The following UNC13B variants were observed in gnomAD, a reference collection of about 807,000 sequenced individuals.
UNC13B encodes the protein protein unc-13 homolog B.
UNC13B carries 144 observed loss-of-function variants against 211.0 expected under a neutral mutation model. That is an observed-to-expected ratio of 0.68 (90% CI 0.60 to 0.78). The LOEUF is 0.78. Ranked by LOEUF, UNC13B falls within the 30% of genes least tolerant of loss-of-function variation. The probability of loss-of-function intolerance (pLI) is 0.00; values close to 1 mark genes in which losing one functional copy is unlikely to be tolerated. For synonymous variants in UNC13B, 709 were observed against 725.8 expected (o/e 0.98, Z 0.37); for missense variants, 1,777 against 2,002.0 (o/e 0.89, Z 2.14).
In UNC13B at chr9:35,353,849, A is replaced by G. The variant is rs1030167391; in HGVS notation, c.9415-13098A>G. 1.1e-5 allele frequency: 13 copies of G among 1,204,802 alleles called. No homozygotes were observed. In the African/African-American group the frequency reaches 1.3e-4, roughly 12 times the overall value. The allele number at this position is 1,204,802 out of a possible 1,614,324, so 74.6% of individuals were successfully genotyped here. A position where few individuals can be genotyped will look rare whatever the true frequency, so the allele number is the denominator to read the frequency against. On this transcript the variant is annotated intron_variant, in intron 11 of 39. Transcript: ENST00000635942. ...CTATTTAACAGGGTCCCAGCTGGCT[A>G]AAGTATGACCTCCATCTGGCCAGCA...
At chr9:35,354,880 C>G (rs1037465015) in intron 11 of UNC13B, among the ~76,000 whole-genome samples, 1 of 152,106 alleles carries the variant, frequency 6.6e-6, no homozygotes, top group East Asian at 1.9e-4. Context: ...CCTTTAAGTC[C>G]TCAACACCAC....
chr9:35,384,112 G>T, intron 21 of UNC13B, 134 bp from the exon 22 acceptor site: 2 of 1,371,734 alleles, frequency 1.5e-6, no homozygotes, highest in Non-Finnish European at 2.0e-6. Context: ...CTTCCCATGG[G>T]CAGGGATGTG....
At position 35,295,819 on chromosome 9, in the gene UNC13B, C is replaced by A; in HGVS notation, c.650C>A (p.Pro217His). ...SQPNASVHQF[P>H]VPVRSPQQLL... ...CCCAACGCTTCTGTGCACCAGTTCC[C>A]TGTGCCGGTGCGATCGCCACAGCAG... is the stretch of plus-strand genomic sequence containing the variant. Residue 217 changes from proline (P) to histidine (H), a missense_variant, in exon 8 of 40, where the codon CCT becomes CAT. Coordinates refer to ENST00000635942, the MANE Select transcript of UNC13B (RefSeq NM_001371189.2). The A allele has an allele frequency of 6.2e-7, 1 of 1,614,208 alleles. No individual in the cohort carries two copies.
chr9:35,252,836 A>G (rs976803847), intron 6 of UNC13B, among the ~76,000 whole-genome samples: 3 of 151,950 alleles, frequency 2.0e-5, no homozygotes, highest in Admixed American at 6.5e-5. Flanking sequence ...AGGCTGAGGC[A>G]GGAGATTGGC....
intron 16 of UNC13B, among the ~76,000 whole-genome samples, 172 bp from the exon 17 acceptor site, chr9:35,378,123 C>T (rs368039287): frequency 1.1e-4 from 17 of 152,014 alleles, no homozygotes; most frequent in African/African-American, 4.1e-4. Flanking sequence ...AGATGGGATG[C>T]TTGGGCTTTA....
chr9:35,360,307 A>G (rs1377899219), intron 11 of UNC13B, among the ~76,000 whole-genome samples: 1 of 152,258 alleles, frequency 6.6e-6, no homozygotes. Flanking sequence ...AGACCCTGGA[A>G]CAAGAATGTC....
At chr9:35,324,152 G>T (rs912578568) in intron 11 of UNC13B, among the ~76,000 whole-genome samples, 1 of 152,104 alleles carries the variant, frequency 6.6e-6, no homozygotes, top group Non-Finnish European at 1.5e-5. Context: ...TTTAGGACCA[G>T]GATTCAAATC....
intron 1 of UNC13B, among the ~76,000 whole-genome samples, chr9:35,192,255 C>T (rs1822699768): frequency 6.6e-6 from 1 of 152,164 alleles, no homozygotes. Context: ...TCTGGGGGTT[C>T]CAGTTAGAGT....
At chr9:35,190,447 A>G (rs539523796) in intron 1 of UNC13B, among the ~76,000 whole-genome samples, 3 of 152,212 alleles carry the variant, frequency 2.0e-5, no homozygotes, top group African/African-American at 7.2e-5. Context: ...ACTCAAAACT[A>G]TCAGATAACA....
intron 13 of UNC13B, among the ~76,000 whole-genome samples, chr9:35,370,810 A>T (rs1442678048): frequency 6.6e-6 from 1 of 152,228 alleles, no homozygotes. Context: ...GAAGTCAAGC[A>T]AAAGTCTCTT....
chr9:35,215,952 G>A (rs1015253958), intron 1 of UNC13B, among the ~76,000 whole-genome samples: 12 of 151,986 alleles, frequency 7.9e-5, no homozygotes, highest in Non-Finnish European at 1.6e-4. Context: ...AAATACTAAG[G>A]CCATTTTCAA....
At chr9:35,171,293 G>A (rs1312181461) in intron 1 of UNC13B, among the ~76,000 whole-genome samples, 1 of 151,974 alleles carries the variant, frequency 6.6e-6, no homozygotes, top group Non-Finnish European at 1.5e-5. Flanking sequence ...GTAGAGACAG[G>A]GTTTCACCAT....
intron 3 of UNC13B, among the ~76,000 whole-genome samples, chr9:35,235,918 G>A (rs1361493206): frequency 6.6e-6 from 1 of 152,060 alleles, no homozygotes; most frequent in Non-Finnish European, 1.5e-5. Context: ...AACTGCATTA[G>A]TCTAATTATG....
At chr9:35,298,605 C>G (rs753863432) in intron 8 of UNC13B, among the ~76,000 whole-genome samples, 1 of 152,162 alleles carries the variant, frequency 6.6e-6, no homozygotes, top group Non-Finnish European at 1.5e-5. Context: ...CAGGTGAGAG[C>G]CACTGCACCT....
intron 11 of UNC13B, among the ~76,000 whole-genome samples, chr9:35,354,191 G>A (rs928854625): frequency 6.6e-6 from 1 of 152,186 alleles, no homozygotes; most frequent in African/African-American, 2.4e-5. Flanking sequence ...AGAGGCAGGA[G>A]TTGGGGATGA....
intron 4 of UNC13B, 131 bp from the exon 5 acceptor site, chr9:35,237,572 G>A (rs1413118961): frequency 7.2e-6 from 8 of 1,117,336 alleles, no homozygotes; most frequent in Middle Eastern, 2.3e-4. Context: ...TGATAGTGGT[G>A]TGTTTGCCTT....
intron 6 of UNC13B, among the ~76,000 whole-genome samples, chr9:35,257,648 G>T (rs572380490): frequency 2.7e-4 from 39 of 143,118 alleles, no homozygotes; most frequent in African/African-American, 1.0e-3. Flanking sequence ...AATTTTGCTA[G>T]TGCTATCATA....
At chr9:35,240,440 A>G (rs1229881597) in intron 5 of UNC13B, among the ~76,000 whole-genome samples, 1 of 152,176 alleles carries the variant, frequency 6.6e-6, no homozygotes, top group Non-Finnish European at 1.5e-5. Context: ...TAAACTCAGA[A>G]CAACTATTAT....
intron 10 of UNC13B, among the ~76,000 whole-genome samples, chr9:35,313,390 C>T (rs576766466): frequency 6.6e-6 from 1 of 152,014 alleles, no homozygotes; most frequent in South Asian, 2.1e-4. Flanking sequence ...TTTGGGAGGC[C>T]GAGGTGAGCA....
Sources: gnomAD v4.1 joint callset for allele counts (sites outside exome capture counted in the v4.1 genomes callset) on GRCh38, gnomAD v4.1.1 for gene constraint, MANE v1.5 for transcripts, NCBI Gene and HGNC (gene_info 2026-07-23, HGNC 2026-07-21) for gene names.